The following COL25A1 variants were observed in gnomAD, a reference collection of about 807,000 sequenced individuals.
COL25A1 encodes collagen type XXV alpha 1 chain, also known as collagen alpha-1(XXV) chain.
Under a neutral mutation model 128.4 loss-of-function variants are expected in COL25A1, and 103 were observed. The ratio of observed to expected loss-of-function variants is 0.80; its 90% CI spans 0.68 to 0.94. The LOEUF (loss-of-function observed/expected upper bound fraction) is 0.94. Ranked by LOEUF, COL25A1 falls within the 40% of genes least tolerant of loss-of-function variation. COL25A1 has a pLI of 0.00. For missense variants in COL25A1, 745 were observed against 840.0 expected, an observed-to-expected ratio of 0.89 and a Z score of 1.40; for synonymous variants, 279 against 277.2, an observed-to-expected ratio of 1.01 and a Z score of -0.06.
At chr4:109,221,758 T>C (rs1051862757) in intron 3 of COL25A1, among the ~76,000 whole-genome samples, 5 of 152,182 alleles carry the variant, frequency 3.3e-5, no homozygotes, top group Admixed American at 2.0e-4. Context: ...AACCTAGCTA[T>C]CTTGGCCTTC....
chr4:108,944,588 G>A (rs1748508338), intron 8 of COL25A1, among the ~76,000 whole-genome samples: 1 of 152,040 alleles, frequency 6.6e-6, no homozygotes, highest in Non-Finnish European at 1.5e-5. Context: ...CAGCACACAT[G>A]GTAGGACTTA....
chr4:108,948,957 TA>T (rs1244881463), intron 8 of COL25A1, among the ~76,000 whole-genome samples: 2 of 152,334 alleles, frequency 1.3e-5, no homozygotes, highest in Admixed American at 6.5e-5. Flanking sequence ...TATGATCTAT[TA>T]GGGGATTCCA....
At chr4:108,983,700 G>C (rs944538569) in intron 6 of COL25A1, among the ~76,000 whole-genome samples, 3 of 152,028 alleles carry the variant, frequency 2.0e-5, no homozygotes, top group Non-Finnish European at 4.4e-5. Context: ...TGGCTCAGGA[G>C]TGAAGCTGCG....
intron 3 of COL25A1, among the ~76,000 whole-genome samples, chr4:109,203,996 T>C (rs938238576): frequency 2.3e-4 from 35 of 152,284 alleles, no homozygotes; most frequent in South Asian, 4.1e-4. Flanking sequence ...AAAATCTTCA[T>C]CTATAAAAGC....
chr4:108,938,739 C>T (rs879300289), intron 10 of COL25A1, among the ~76,000 whole-genome samples: 3 of 152,276 alleles, frequency 2.0e-5, no homozygotes, highest in African/African-American at 7.2e-5. Context: ...CACCTGTAGT[C>T]CCAGCTACTC....
intron 24 of COL25A1, among the ~76,000 whole-genome samples, chr4:108,855,485 C>CT (rs1244241543): frequency 2.0e-5 from 3 of 151,806 alleles, no homozygotes; most frequent in African/African-American, 7.3e-5. Context: ...TTACATGTTA[C>CT]TTTTTAACTA....
At chr4:108,920,789 T>G (rs72897050) in intron 11 of COL25A1, among the ~76,000 whole-genome samples, 185 bp from the exon 12 acceptor site, 1 of 152,184 alleles carries the variant, frequency 6.6e-6, no homozygotes, top group African/African-American at 2.4e-5. Flanking sequence ...CTTCTAATTT[T>G]CTTTTGAAAA....
rs60165291 is a variant in COL25A1 at position 109,083,448 on chromosome 4, A to ATTTTTTTT, written c.368-33277_368-33270dup. Among the ~76,000 whole-genome samples the ATTTTTTTT allele has an allele frequency of 4.5e-3, 349 of 77,054 alleles. 35 individuals carry two copies. The highest frequency in any genetic ancestry group is 0.012 in the African/African-American group (260 of 20,836). 50.6% of individuals were successfully genotyped at this position (77,054 alleles called of 152,430 possible). ...CACCAATAACTTTTACACTAAATAAATTTTTTTTTTTTTTTTTTTTTTTTT... is the reference window on the plus strand; with the variant it reads ...CACCAATAACTTTTACACTAAATAAATTTTTTTTTTTTTTTTTTTTTTTTTTTTTTTTT... On this transcript the variant is annotated intron_variant, in intron 3 of 37. Transcript: ENST00000399132.
intron 11 of COL25A1, among the ~76,000 whole-genome samples, chr4:108,926,214 T>C (rs1242400982): frequency 2.0e-5 from 3 of 152,178 alleles, no homozygotes; most frequent in Non-Finnish European, 2.9e-5. Context: ...GGACATGTTT[T>C]AAGGCAAGTT....
intron 30 of COL25A1, among the ~76,000 whole-genome samples, 158 bp downstream of exon 30, chr4:108,844,361 T>G (rs943773339): frequency 6.6e-6 from 1 of 152,234 alleles, no homozygotes; most frequent in Non-Finnish European, 1.5e-5. Context: ...ATGACAACAC[T>G]GTAAAGTTAA....
intron 3 of COL25A1, among the ~76,000 whole-genome samples, chr4:109,066,407 T>C (rs1762451087): frequency 6.6e-6 from 1 of 152,212 alleles, no homozygotes; most frequent in South Asian, 2.1e-4. Context: ...GCATCCACTA[T>C]GATTTGCTGA....
intron 3 of COL25A1, among the ~76,000 whole-genome samples, chr4:109,220,688 G>A (rs61659244): frequency 0.086 from 13,042 of 152,112 alleles, 1,155 homozygotes; most frequent in African/African-American, 0.23. Flanking sequence ...ATAATAATAG[G>A]AAAAGGTTCA....
chr4:108,819,071 T>C (rs1731518604), intron 36 of COL25A1, among the ~76,000 whole-genome samples, 181 bp downstream of exon 36: 1 of 152,214 alleles, frequency 6.6e-6, no homozygotes, highest in African/African-American at 2.4e-5. Context: ...CATTCATTGA[T>C]AGAAACGCGT....
intron 5 of COL25A1, among the ~76,000 whole-genome samples, chr4:109,011,553 G>A (rs1218243787): frequency 6.6e-6 from 1 of 152,200 alleles, no homozygotes; most frequent in African/African-American, 2.4e-5. Flanking sequence ...CCAAGTGCCA[G>A]ACACTTTGGG....
chr4:108,948,027 T>C (rs2125939810), intron 8 of COL25A1, among the ~76,000 whole-genome samples: 1 of 152,278 alleles, frequency 6.6e-6, no homozygotes, highest in African/African-American at 2.4e-5. Context: ...ACCATCACAG[T>C]GGGCATGTGT....
chr4:108,934,305 C>T (rs547129215), intron 11 of COL25A1, among the ~76,000 whole-genome samples: 1,418 of 71,596 alleles, frequency 0.02, 10 homozygotes, highest in Admixed American at 0.034. Flanking sequence ...GGACACAGGG[C>T]GGGGAACATC....
At chr4:109,152,436 T>C (rs1771592272) in intron 3 of COL25A1, among the ~76,000 whole-genome samples, 1 of 152,290 alleles carries the variant, frequency 6.6e-6, no homozygotes, top group South Asian at 2.1e-4. Context: ...TGCACATTTT[T>C]CCCTAAAAAT....
rs113832081 is a variant in COL25A1 at position 108,970,681 on chromosome 4, G to A, written c.492+3686C>T. Among the ~76,000 whole-genome samples, 208 of 152,174 alleles carry A rather than the reference G, an allele frequency of 1.4e-3. 1 individual carries two copies. Among genetic ancestry groups the A allele is most frequent in the African/African-American group, 4.6e-3 (193 of 41,526 alleles). ...ATTCCTCTTATCTAACTGAAAGTTTGTATCCTTTGACCAACATCTCCTAAA... is the reference window on the plus strand; with the variant it reads ...ATTCCTCTTATCTAACTGAAAGTTTATATCCTTTGACCAACATCTCCTAAA... On this transcript the variant is annotated intron_variant, in intron 8 of 37. Coordinates refer to ENST00000399132, the MANE Select transcript of COL25A1 (RefSeq NM_198721.4).
intron 11 of COL25A1, among the ~76,000 whole-genome samples, chr4:108,930,033 G>A (rs1310880424): frequency 6.6e-6 from 1 of 152,048 alleles, no homozygotes; most frequent in Non-Finnish European, 1.5e-5. Flanking sequence ...AACACACTAA[G>A]TACCAATAAC....
Sources: allele counts gnomAD v4.1 joint callset (sites outside exome capture counted in the v4.1 genomes callset), GRCh38; gene constraint gnomAD v4.1.1; transcripts MANE v1.5; gene names NCBI Gene and HGNC (gene_info 2026-07-23, HGNC 2026-07-21).